Variants in SLC4A4 observed in about 807,000 individuals in gnomAD.
SLC4A4 encodes the protein electrogenic sodium bicarbonate cotransporter 1.
Under a neutral mutation model 111.5 loss-of-function variants are expected in SLC4A4, and 27 were observed. The observed-to-expected ratio is 0.24, with a 90% CI of 0.18 to 0.33. The LOEUF is 0.33. Ranked by LOEUF, SLC4A4 falls within the 10% of genes least tolerant of loss-of-function variation. The pLI is 1.00. For synonymous variants in SLC4A4, 443 were observed against 463.4 expected, an observed-to-expected ratio of 0.96 and a Z score of 0.57; for missense variants, 909 against 1,315.5, an observed-to-expected ratio of 0.69 and a Z score of 4.78.
At chr4:71,192,779 C>G (rs1241500521) in intron 1 of SLC4A4, among the ~76,000 whole-genome samples, 2 of 152,176 alleles carry the variant, frequency 1.3e-5, no homozygotes, top group Non-Finnish European at 2.9e-5. Flanking sequence ...GTGAACATGT[C>G]CATATAACCA....
intron 2 of SLC4A4, among the ~76,000 whole-genome samples, chr4:71,171,722 T>C (rs920250984): frequency 6.6e-5 from 10 of 152,214 alleles, no homozygotes; most frequent in African/African-American, 2.4e-4. Context: ...AAATTTTCTT[T>C]TGCATTCTCT....
At chr4:71,342,531 A>G (rs1055976314) in intron 4 of SLC4A4, among the ~76,000 whole-genome samples, 2 of 152,142 alleles carry the variant, frequency 1.3e-5, no homozygotes, top group Non-Finnish European at 2.9e-5. Flanking sequence ...CTAACATTAT[A>G]TATATTTCAT....
intron 16 of SLC4A4, among the ~76,000 whole-genome samples, chr4:71,527,335 T>C (rs1022402658): frequency 2.6e-5 from 4 of 152,082 alleles, no homozygotes; most frequent in Admixed American, 6.6e-5. Context: ...ATCCTAGACA[T>C]ATTTTCAACA....
At chr4:71,473,120 T>C (rs746622196) in intron 14 of SLC4A4, 150 bp downstream of exon 14, 6 of 864,060 alleles carry the variant, frequency 6.9e-6, no homozygotes, top group Non-Finnish European at 1.1e-5. Flanking sequence ...ATTTGATGTC[T>C]CATTGCCTGA....
At chr4:71,182,460 C>T (rs566883368), upstream of SLC4A4, among the ~76,000 whole-genome samples, 1 of 152,174 alleles carries the variant, frequency 6.6e-6, no homozygotes, top group East Asian at 1.9e-4. Context: ...AAAGAGCAGA[C>T]CAGTGGGATG....
intron 1 of SLC4A4, among the ~76,000 whole-genome samples, chr4:71,088,433 T>C (rs1043812008): frequency 3.3e-5 from 5 of 152,050 alleles, no homozygotes; most frequent in African/African-American, 1.2e-4. Context: ...ATGTGTGAAT[T>C]GGATCCTGTC....
chr4:71,085,344 A>G (rs1336688516), intron 1 of SLC4A4, among the ~76,000 whole-genome samples: 4 of 151,806 alleles, frequency 2.6e-5, no homozygotes, highest in African/African-American at 2.4e-5. Context: ...ATTTTCTCCC[A>G]TTCTGTAGGT....
chr4:71,375,345 T>C (rs1732251270), intron 6 of SLC4A4, among the ~76,000 whole-genome samples: 1 of 152,228 alleles, frequency 6.6e-6, no homozygotes, highest in Admixed American at 6.5e-5. Context: ...ATTTCACACA[T>C]CTTTCTGTAT....
intron 1 of SLC4A4, among the ~76,000 whole-genome samples, chr4:71,076,769 T>C (rs891404739): frequency 3.3e-5 from 5 of 152,112 alleles, no homozygotes; most frequent in Admixed American, 6.5e-5. Context: ...AGCGGGCAGA[T>C]TGTTTGAGTG....
chr4:71,364,846 T>A (rs182838694), intron 6 of SLC4A4, among the ~76,000 whole-genome samples: 189 of 152,330 alleles, frequency 1.2e-3, no homozygotes, highest in Non-Finnish European at 1.7e-3. Context: ...TTCAATTCAC[T>A]ACCATTATTT....
intron 1 of SLC4A4, among the ~76,000 whole-genome samples, chr4:71,085,214 T>C (rs1578463122): frequency 1.3e-5 from 2 of 152,220 alleles, no homozygotes; most frequent in Middle Eastern, 6.8e-3. Flanking sequence ...TTTTGAAAAG[T>C]GTCTGTTCAT....
intron 3 of SLC4A4, among the ~76,000 whole-genome samples, chr4:71,293,565 A>C (rs576574493): frequency 2.2e-4 from 33 of 152,182 alleles, no homozygotes; most frequent in African/African-American, 7.7e-4. Context: ...AAAAAAAAAA[A>C]ATCCAGAAAG....
intron 2 of SLC4A4, among the ~76,000 whole-genome samples, chr4:71,241,244 A>G (rs749588494): frequency 6.6e-6 from 1 of 152,188 alleles, no homozygotes; most frequent in African/African-American, 2.4e-5. Flanking sequence ...TGCAGAGATC[A>G]TTATCATACT....
chr4:71,286,181 A>G (rs891430236), intron 3 of SLC4A4, among the ~76,000 whole-genome samples: 4 of 152,196 alleles, frequency 2.6e-5, no homozygotes, highest in Non-Finnish European at 5.9e-5. Context: ...TGGAGCTTTC[A>G]GTGAGCTGAG....
intron 3 of SLC4A4, among the ~76,000 whole-genome samples, chr4:71,310,881 G>A (rs919145807): frequency 2.0e-5 from 3 of 152,178 alleles, no homozygotes; most frequent in Non-Finnish European, 2.9e-5. Context: ...GGCACAGACT[G>A]CCAAATTGGA....
intron 1 of SLC4A4, among the ~76,000 whole-genome samples, chr4:71,212,648 A>G (rs1316724212): frequency 6.6e-6 from 1 of 152,192 alleles, no homozygotes; most frequent in Non-Finnish European, 1.5e-5. Flanking sequence ...ATATTCCACA[A>G]TGGCAATGAC....
At chr4:71,086,992 T>G (rs1357181819) in intron 1 of SLC4A4, among the ~76,000 whole-genome samples, 1 of 151,994 alleles carries the variant, frequency 6.6e-6, no homozygotes, top group Non-Finnish European at 1.5e-5. Context: ...ACCAGCTCCT[T>G]CTTGTACCTC....
At chr4:71,094,780 G>A (rs772392582) in intron 2 of SLC4A4, among the ~76,000 whole-genome samples, 2 of 149,890 alleles carry the variant, frequency 1.3e-5, no homozygotes, top group Non-Finnish European at 3.0e-5. Flanking sequence ...TGGTTCACGA[G>A]TCCTCATTTT....
intron 3 of SLC4A4, among the ~76,000 whole-genome samples, chr4:71,271,046 C>T (rs1319485023): frequency 2.0e-5 from 3 of 152,108 alleles, no homozygotes; most frequent in African/African-American, 7.2e-5. Flanking sequence ...CTGTGGGTGC[C>T]CACCACTACA....
Sources: allele counts gnomAD v4.1 joint callset (sites outside exome capture counted in the v4.1 genomes callset), GRCh38; gene constraint gnomAD v4.1.1; transcripts MANE v1.5; gene names NCBI Gene and HGNC (gene_info 2026-07-23, HGNC 2026-07-21).